Variants in PEX7 observed in about 807,000 individuals in gnomAD.
PEX7 encodes peroxisomal biogenesis factor 7.
In PEX7, 34 loss-of-function variants were observed where a neutral mutation model predicts 47.5. The ratio of observed to expected loss-of-function variants is 0.72; its 90% CI spans 0.54 to 0.95. PEX7 has a LOEUF of 0.95. Among genes scored for constraint, PEX7 ranks in the 40% least tolerant of loss-of-function variants. PEX7 has a pLI of 0.00. For missense variants in PEX7, 394 were observed against 400.3 expected (o/e 0.98, Z 0.13); for synonymous variants, 141 against 148.8 (o/e 0.95, Z 0.38).
Position 136,826,346 on chromosome 6 carries a change from T to A in PEX7, c.216T>A (p.Asp72Glu). ...RSFDWNDGLF[D>E]VTWSENNEHV... The stretch of plus-strand genomic sequence containing the variant: ...TTGACTGGAATGATGGTTTGTTTGA[T>A]GTGACTTGGAGTGAGAACAACGAAC... Residue 72 changes from aspartate to glutamate, a missense_variant, in exon 3 of 10, where the codon GAT becomes GAA. Physicochemically the swap from Asp to Glu is conservative, Grantham distance 45. Coordinates refer to ENST00000318471, the MANE Select transcript of PEX7 (RefSeq NM_000288.4). The A allele has an allele frequency of 6.2e-7, 1 of 1,614,124 alleles. No individual in the cohort carries two copies. Among genetic ancestry groups the A allele is most frequent in the Non-Finnish European group, 8.5e-7 (1 of 1,180,032 alleles).
intron 3 of PEX7, among the ~76,000 whole-genome samples, chr6:136,828,001 GT>G (rs1027400013): frequency 1.3e-4 from 20 of 148,374 alleles, no homozygotes; most frequent in South Asian, 6.4e-4. Context: ...CTTTTCAGAA[GT>G]TTTTTTTTTC....
At chr6:136,849,331 G>A (rs151255555) in intron 5 of PEX7, among the ~76,000 whole-genome samples, 2,604 of 152,048 alleles carry the variant, frequency 0.017, 76 homozygotes, top group African/African-American at 0.06. Context: ...TTTTTGAAGG[G>A]TTTTTTGTGT....
chr6:136,824,362 G>C (rs1010274723), intron 1 of PEX7, among the ~76,000 whole-genome samples: 14 of 151,930 alleles, frequency 9.2e-5, no homozygotes, highest in Admixed American at 2.6e-4. Flanking sequence ...CATCACACCT[G>C]GCTAATTTTT....
chr6:136,844,551 A>G (rs772533270), intron 3 of PEX7, among the ~76,000 whole-genome samples: 4 of 152,160 alleles, frequency 2.6e-5, no homozygotes, highest in Non-Finnish European at 5.9e-5. Flanking sequence ...GTATTCAGTA[A>G]TACATTATTA....
Position 136,826,460 on chromosome 6 carries a change from C to CGTT in PEX7, c.331_332insTTG (p.His110_Ala111insVal). 1 of 1,613,946 alleles carries CGTT rather than the reference C, an allele frequency of 6.2e-7. No homozygotes were observed. The highest frequency in any genetic ancestry group is 8.5e-7 in the Non-Finnish European group (1 of 1,180,024). On this transcript the variant is annotated inframe_insertion, in exon 3 of 10. Transcript: ENST00000318471. The stretch of plus-strand genomic sequence containing the variant: ...GGCCACTGCAAGTCTATAAAGAACA[C>CGTT]GCTCAGGAGGTAGGAGGGAAATCTT...
rs1775926481 is a variant in PEX7 at position 136,911,139 on chromosome 6, CT to C, written c.904-2318del. Among the ~76,000 whole-genome samples, 3 of 152,240 alleles carry C rather than the reference CT, an allele frequency of 2.0e-5. No homozygotes were observed. The South Asian group carries it at 6.2e-4, about 32-fold the overall frequency. ...CCTTTTTACCCCTTTCCAATCTCCC[CT>C]ATCCCCACCCTTCCCTCCAGGTGAG... On this transcript the variant is annotated intron_variant, in intron 9 of 9. Transcript: ENST00000318471.
intron 5 of PEX7, among the ~76,000 whole-genome samples, chr6:136,863,736 C>T (rs1267464281): frequency 4.6e-5 from 7 of 151,964 alleles, no homozygotes; most frequent in African/African-American, 1.5e-4. Flanking sequence ...GGCAAAACCC[C>T]GTCTCTGCCA....
At chr6:136,841,006 T>A (rs1164411608) in intron 3 of PEX7, among the ~76,000 whole-genome samples, 1 of 152,268 alleles carries the variant, frequency 6.6e-6, no homozygotes, top group Non-Finnish European at 1.5e-5. Flanking sequence ...CTTGAAATTA[T>A]ACATTTATTT....
At chr6:136,864,753 C>T (rs1462964277) in intron 5 of PEX7, among the ~76,000 whole-genome samples, 1 of 152,082 alleles carries the variant, frequency 6.6e-6, no homozygotes, top group African/African-American at 2.4e-5. Context: ...TGTTAGAGAC[C>T]ATGCTAGGTG....
intron 3 of PEX7, among the ~76,000 whole-genome samples, chr6:136,835,491 G>T (rs1774369545): frequency 6.6e-6 from 1 of 151,926 alleles, no homozygotes; most frequent in South Asian, 2.1e-4. Flanking sequence ...ATTTCACCAT[G>T]TTGGCCAGGC....
In PEX7 at chr6:136,832,221, T is replaced by C. The variant is rs184222960; in HGVS notation, c.339+5752T>C. On this transcript the variant is annotated intron_variant, in intron 3 of 9. Transcript: ENST00000318471. ...CACAGACCCAACACCACATGGAAGC[T>C]GCCAAGGTTTAGGGCTTGCACCCTC... Among the ~76,000 whole-genome samples the C allele has an allele frequency of 2.4e-3, 372 of 152,386 alleles. 3 individuals carry two copies. The highest frequency in any genetic ancestry group is 0.021 in the Admixed American group (324 of 15,308).
At chr6:136,911,238 C>G (rs1775927724) in intron 9 of PEX7, among the ~76,000 whole-genome samples, 1 of 152,026 alleles carries the variant, frequency 6.6e-6, no homozygotes, top group Non-Finnish European at 1.5e-5. Context: ...TCTTAGAATT[C>G]TATAAGGAAC....
chr6:136,886,359 C>G (rs752628008), intron 8 of PEX7, among the ~76,000 whole-genome samples: 10 of 152,124 alleles, frequency 6.6e-5, no homozygotes, highest in Non-Finnish European at 7.3e-5. Flanking sequence ...GCTGACTCCT[C>G]TATTTACTAG....
intron 3 of PEX7, among the ~76,000 whole-genome samples, chr6:136,830,607 A>G (rs1774276249): frequency 6.6e-6 from 1 of 152,194 alleles, no homozygotes; most frequent in Admixed American, 6.5e-5. Flanking sequence ...TGCTTATTCT[A>G]ATGCTGCTGA....
chr6:136,859,098 T>C (rs747169945), intron 5 of PEX7, among the ~76,000 whole-genome samples: 17 of 152,242 alleles, frequency 1.1e-4, no homozygotes, highest in Non-Finnish European at 2.1e-4. Context: ...TAAGATAATA[T>C]ATGAGAACGT....
intron 8 of PEX7, among the ~76,000 whole-genome samples, chr6:136,878,516 G>C (rs780659272): frequency 6.6e-6 from 1 of 152,032 alleles, no homozygotes; most frequent in African/African-American, 2.4e-5. Context: ...TAGCATGAAG[G>C]GTGTTGAATT....
intron 3 of PEX7, among the ~76,000 whole-genome samples, chr6:136,831,202 A>G (rs1447997270): frequency 6.6e-6 from 1 of 152,194 alleles, no homozygotes; most frequent in African/African-American, 2.4e-5. Context: ...ACTTAAAATT[A>G]TGGCAGAAGG....
At chr6:136,849,931 C>T (rs1377995548) in intron 5 of PEX7, among the ~76,000 whole-genome samples, 1 of 152,106 alleles carries the variant, frequency 6.6e-6, no homozygotes. Flanking sequence ...TCTCGTTGAT[C>T]TGTCTAATGT....
intron 9 of PEX7, among the ~76,000 whole-genome samples, chr6:136,912,863 C>G (rs1775954341): frequency 1.3e-5 from 2 of 152,190 alleles, no homozygotes; most frequent in South Asian, 4.1e-4. Flanking sequence ...TTCTTCCCTT[C>G]ATGTTTTCCT....
Sources: allele counts gnomAD v4.1 joint callset (sites outside exome capture counted in the v4.1 genomes callset), GRCh38; gene constraint gnomAD v4.1.1; transcripts MANE v1.5; gene names NCBI Gene and HGNC (gene_info 2026-07-23, HGNC 2026-07-21).